SBF2: variants seen among roughly 807,000 people sequenced by gnomAD.
SBF2 encodes SET binding factor 2.
SBF2 carries 112 observed loss-of-function variants against 225.2 expected under a neutral mutation model. That is an observed-to-expected ratio of 0.50 (90% CI 0.43 to 0.58). SBF2 has a LOEUF of 0.58. Among genes scored for constraint, SBF2 ranks in the 20% least tolerant of loss-of-function variants. The pLI, the probability that SBF2 is intolerant of heterozygous loss-of-function variation, is 0.00. For missense variants in SBF2, 1,996 were observed against 2,206.2 expected, an observed-to-expected ratio of 0.90 and a Z score of 1.91; for synonymous variants, 763 against 773.3, an observed-to-expected ratio of 0.99 and a Z score of 0.22.
intron 14 of SBF2, among the ~76,000 whole-genome samples, chr11:9,964,958 T>C (rs888683625): frequency 6.6e-6 from 1 of 152,152 alleles, no homozygotes; most frequent in Non-Finnish European, 1.5e-5. Context: ...GCTTTTAGTG[T>C]ATCCATCAAC....
At chr11:9,965,901 G>A (rs1866876891) in intron 14 of SBF2, among the ~76,000 whole-genome samples, 1 of 152,066 alleles carries the variant, frequency 6.6e-6, no homozygotes, top group East Asian at 1.9e-4. Context: ...ACACACATAG[G>A]TTGGTGGCAT....
At chr11:10,106,254 T>G (rs1952548266) in intron 2 of SBF2, among the ~76,000 whole-genome samples, 1 of 152,108 alleles carries the variant, frequency 6.6e-6, no homozygotes, top group African/African-American at 2.4e-5. Flanking sequence ...TATACCTTTT[T>G]GAAATAAAGA....
chr11:10,031,113 C>G lies in SBF2; in HGVS notation c.337G>C (p.Ala113Pro). 3 of 1,613,548 alleles carry G rather than the reference C, an allele frequency of 1.9e-6. No homozygotes were observed. Among genetic ancestry groups the G allele is most frequent in the Non-Finnish European group, 2.5e-6 (3 of 1,179,622 alleles). ...EAKVSGLIQP[A>P]EVFAPKSLVL... ...AGGCTTTTGGGAGCAAACACTTCTG[C>G]AGGCTGAATTAAACCAGACACTTTT... Residue 113 changes from alanine (A) to proline (P), a missense_variant, in exon 4 of 40, where the codon GCA becomes CCA. Physicochemically the swap from Ala to Pro is conservative, Grantham distance 27. Transcript: ENST00000256190.
intron 2 of SBF2, among the ~76,000 whole-genome samples, chr11:10,169,558 T>C (rs1237102723): frequency 6.6e-6 from 1 of 152,222 alleles, no homozygotes; most frequent in African/African-American, 2.4e-5. Flanking sequence ...TATTGTCACA[T>C]TTTCTTTATC....
intron 13 of SBF2, among the ~76,000 whole-genome samples, chr11:9,980,442 C>A (rs1472731788): frequency 6.7e-6 from 1 of 150,310 alleles, no homozygotes; most frequent in Non-Finnish European, 1.5e-5. Context: ...AGCCTAAATT[C>A]ATCTTTTAAC....
In SBF2 at chr11:10,197,630, T is replaced by C. The variant is rs182458281; in HGVS notation, c.56-3643A>G. On this transcript the variant is annotated intron_variant, in intron 1 of 39. Transcript: ENST00000256190. ...ACAACAGTGAAGTTTGCCATATCGA[T>C]TGACACTTTCTTTCACAAAAAATTT... Among the ~76,000 whole-genome samples, 62 of 152,324 alleles carry C rather than the reference T, an allele frequency of 4.1e-4. 1 individual carries two copies. The highest frequency in any genetic ancestry group is 1.3e-3 in the African/African-American group (53 of 41,572).
At chr11:10,010,717 A>G (rs1948415211) in intron 6 of SBF2, among the ~76,000 whole-genome samples, 1 of 151,544 alleles carries the variant, frequency 6.6e-6, no homozygotes, top group African/African-American at 2.4e-5. Context: ...TCTTGGCTAT[A>G]CAGGCTCTTC....
At chr11:10,098,592 T>C (rs981381541) in intron 2 of SBF2, among the ~76,000 whole-genome samples, 2 of 151,330 alleles carry the variant, frequency 1.3e-5, no homozygotes, top group African/African-American at 4.9e-5. Flanking sequence ...ATAATAATTG[T>C]TTAACAAGCT....
chr11:9,782,586 C>A (rs1417227080), intron 38 of SBF2, among the ~76,000 whole-genome samples: 1 of 152,102 alleles, frequency 6.6e-6, no homozygotes, highest in Non-Finnish European at 1.5e-5. Context: ...AAACATCTTT[C>A]CAGGCCGGGC....
At chr11:10,108,561 G>A (rs1288847413) in intron 2 of SBF2, among the ~76,000 whole-genome samples, 1 of 117,390 alleles carries the variant, frequency 8.5e-6, no homozygotes, top group Non-Finnish European at 1.6e-5. Flanking sequence ...GTCTCGCTCT[G>A]TCGCCCAGGC....
chr11:9,998,401 A>G, intron 8 of SBF2, 22 bp from the exon 9 acceptor site: 1 of 1,232,406 alleles, frequency 8.1e-7, no homozygotes, highest in African/African-American at 1.5e-5. Flanking sequence ...AAAAAAATTA[A>G]CCTATAATTA....
chr11:10,122,350 T>C (rs547497310), intron 2 of SBF2, among the ~76,000 whole-genome samples: 3 of 152,372 alleles, frequency 2.0e-5, no homozygotes, highest in Admixed American at 2.0e-4. Flanking sequence ...AAGTGGGTAC[T>C]GTCCACAGTT....
chr11:10,225,736 C>T (rs716803), intron 1 of SBF2, among the ~76,000 whole-genome samples: 7 of 151,610 alleles, frequency 4.6e-5, no homozygotes, highest in South Asian at 2.1e-4. Flanking sequence ...AACTATCTCA[C>T]GGGAAATTAT....
chr11:9,922,887 G>C (rs1345011830), intron 16 of SBF2, among the ~76,000 whole-genome samples: 1 of 152,190 alleles, frequency 6.6e-6, no homozygotes, highest in African/African-American at 2.4e-5. Context: ...CTCCAGAGTG[G>C]AACTTGCACC....
At chr11:10,125,988 T>C (rs1287054305) in intron 2 of SBF2, among the ~76,000 whole-genome samples, 1 of 152,212 alleles carries the variant, frequency 6.6e-6, no homozygotes, top group Non-Finnish European at 1.5e-5. Context: ...TTGCATCATA[T>C]TGGGAGGTAC....
In SBF2 at chr11:9,790,619, A is replaced by G; in HGVS notation, c.4635T>C (p.Ile1545=). The G allele has an allele frequency of 1.3e-6, 2 of 1,590,398 alleles. No homozygotes were observed. Among genetic ancestry groups the G allele is most frequent in the South Asian group, 1.1e-5 (1 of 90,026 alleles). The change falls in exon 34 of 40, where the codon ATT becomes ATC. Residue 1545 remains isoleucine (I), a synonymous_variant. Coordinates refer to ENST00000256190, the MANE Select transcript of SBF2 (RefSeq NM_030962.4). ...TGGGACTCCTCTTGTGCATTCTGTC[A>G]ATACATTCCCAAATACAGACTCCTT... is the stretch of plus-strand genomic sequence containing the variant. The part of the protein sequence containing the change: ...AKKGVCIWEC[I]DRMHKRSPIF...
chr11:9,780,782 A>T (rs1851953950), intron 39 of SBF2: 1 of 457,540 alleles, frequency 2.2e-6, no homozygotes, highest in Admixed American at 3.3e-5. Context: ...GTCGTCTTTG[A>T]CTAAGGAGGA....
At chr11:10,072,571 A>AAT (rs1950926213) in intron 2 of SBF2, among the ~76,000 whole-genome samples, 1 of 152,050 alleles carries the variant, frequency 6.6e-6, no homozygotes, top group Non-Finnish European at 1.5e-5. Context: ...GGTGAGTTCC[A>AAT]TTTCAATTCC....
chr11:10,293,693 C>T (rs1302106181), intron 1 of SBF2, among the ~76,000 whole-genome samples: 2 of 152,222 alleles, frequency 1.3e-5, no homozygotes, highest in African/African-American at 4.8e-5. Context: ...TGGGCCCAAT[C>T]TCAGGGCTCT....
Sources: allele counts gnomAD v4.1 joint callset (sites outside exome capture counted in the v4.1 genomes callset), GRCh38; gene constraint gnomAD v4.1.1; transcripts MANE v1.5; gene names NCBI Gene and HGNC (gene_info 2026-07-23, HGNC 2026-07-21).